Variants in SIPA1L1 observed in about 807,000 individuals in gnomAD.
The protein encoded by SIPA1L1 is signal induced proliferation associated 1 like 1, also known as signal-induced proliferation-associated 1-like protein 1.
A neutral mutation model predicts 162.7 loss-of-function variants in SIPA1L1; 26 were observed. The ratio of observed to expected loss-of-function variants is 0.16; its 90% CI spans 0.12 to 0.22. The LOEUF (loss-of-function observed/expected upper bound fraction) is 0.22. SIPA1L1 is among the 10% of genes least tolerant of loss of function. The pLI, the probability that SIPA1L1 is intolerant of heterozygous loss-of-function variation, is 1.00. For synonymous variants in SIPA1L1, 829 were observed against 837.4 expected, an observed-to-expected ratio of 0.99 and a Z score of 0.17; for missense variants, 1,874 against 2,241.0, an observed-to-expected ratio of 0.84 and a Z score of 3.31.
In SIPA1L1 at chr14:71,626,562, A is replaced by G. The variant is rs574254567; in HGVS notation, c.1818+2326A>G. On this transcript the variant is annotated intron_variant, in intron 7 of 23. Coordinates refer to ENST00000381232, the MANE Select transcript of SIPA1L1 (RefSeq NM_001386936.1). The stretch of plus-strand genomic sequence containing the variant: ...TATTTTGGTGCCTTTACAAATACAG[A>G]TTTTAAAAAGGAAATGCTTATAAGT... 7.2e-5 allele frequency among the ~76,000 whole-genome samples: 11 copies of G among 152,330 alleles called. No homozygotes were observed. The South Asian group carries it at 2.3e-3, about 32-fold the overall frequency.
intron 2 of SIPA1L1, among the ~76,000 whole-genome samples, chr14:71,479,336 G>GGTATGTATGTAT (rs59082026): frequency 0.046 from 6,810 of 148,258 alleles, 236 homozygotes; most frequent in East Asian, 0.17. Flanking sequence ...TGTGTATGTA[G>GGTATGTATGTAT]GTATGTATGT....
intron 2 of SIPA1L1, among the ~76,000 whole-genome samples, chr14:71,419,045 C>T (rs1001286392): frequency 8.5e-5 from 13 of 152,122 alleles, no homozygotes; most frequent in African/African-American, 2.9e-4. Flanking sequence ...GCAGCCCTTC[C>T]GCCTGATATC....
At chr14:71,715,671 G>T (rs533634086) in intron 17 of SIPA1L1, among the ~76,000 whole-genome samples, 2 of 152,252 alleles carry the variant, frequency 1.3e-5, no homozygotes, top group Admixed American at 6.5e-5. Context: ...AAGACCAAAG[G>T]TTTTTTGTCA....
In SIPA1L1 at chr14:71,690,830, A is replaced by C. The variant is rs553320644; in HGVS notation, c.3374+5199A>C. 2.0e-5 allele frequency among the ~76,000 whole-genome samples: 3 copies of C among 152,230 alleles called. No individual in the cohort carries two copies. In the South Asian group the frequency reaches 6.2e-4, roughly 32 times the overall value. Reference sequence around the variant, plus strand: ...CTGTATGTGGGCAGTTCCTTAGCTGATCTGTTTTGCCTTGGTCTCTTTTTC... The same window carrying C: ...CTGTATGTGGGCAGTTCCTTAGCTGCTCTGTTTTGCCTTGGTCTCTTTTTC... On this transcript the variant is annotated intron_variant, in intron 13 of 23. Transcript: ENST00000381232.
intron 2 of SIPA1L1, among the ~76,000 whole-genome samples, chr14:71,489,677 A>G (rs1377086299): frequency 1.3e-5 from 2 of 152,008 alleles, no homozygotes; most frequent in African/African-American, 4.8e-5. Context: ...AAAGTACACT[A>G]ACACTAATGA....
chr14:71,562,923 A>T (rs959895881), intron 4 of SIPA1L1, among the ~76,000 whole-genome samples: 1 of 152,152 alleles, frequency 6.6e-6, no homozygotes, highest in African/African-American at 2.4e-5. Flanking sequence ...CCAAAGTGCT[A>T]GGATTACAGG....
chr14:71,408,119 T>C (rs1029685039), intron 2 of SIPA1L1, among the ~76,000 whole-genome samples: 1 of 152,218 alleles, frequency 6.6e-6, no homozygotes, highest in Non-Finnish European at 1.5e-5. Flanking sequence ...AATACAGTTA[T>C]TTCTGATGTT....
At chr14:71,425,491 T>C (rs544233833) in intron 2 of SIPA1L1, among the ~76,000 whole-genome samples, 10 of 152,164 alleles carry the variant, frequency 6.6e-5, no homozygotes, top group Non-Finnish European at 1.2e-4. Context: ...GAATATGTTG[T>C]TCAGTATCCT....
At chr14:71,567,654 C>T (rs2030984832) in intron 4 of SIPA1L1, among the ~76,000 whole-genome samples, 1 of 149,008 alleles carries the variant, frequency 6.7e-6, no homozygotes, top group South Asian at 2.1e-4. Context: ...CTGAGGGTAC[C>T]TCCCCTTTTT....
chr14:71,451,167 C>G (rs2045791108), intron 2 of SIPA1L1, among the ~76,000 whole-genome samples: 1 of 151,902 alleles, frequency 6.6e-6, no homozygotes, highest in Non-Finnish European at 1.5e-5. Flanking sequence ...ACTGCATGAT[C>G]TCCCCTACAT....
chr14:71,622,184 CAG>C (rs1424806568), intron 6 of SIPA1L1, among the ~76,000 whole-genome samples: 1 of 152,118 alleles, frequency 6.6e-6, no homozygotes, highest in African/African-American at 2.4e-5. Context: ...AGCAAGATAA[CAG>C]AAATACAAAC....
intron 2 of SIPA1L1, among the ~76,000 whole-genome samples, chr14:71,406,637 A>G (rs758004859): frequency 2.0e-5 from 3 of 152,204 alleles, no homozygotes; most frequent in Non-Finnish European, 4.4e-5. Context: ...CCCAAAATTC[A>G]TTATCTAGGA....
At chr14:71,728,198 A>G (rs145430395) in intron 19 of SIPA1L1, among the ~76,000 whole-genome samples, 104 of 152,336 alleles carry the variant, frequency 6.8e-4, no homozygotes, top group African/African-American at 2.4e-3. Context: ...CTTATGTGAT[A>G]GTCCTAGAAC....
chr14:71,729,620 T>C (rs2084569085), intron 19 of SIPA1L1, among the ~76,000 whole-genome samples: 2 of 152,218 alleles, frequency 1.3e-5, no homozygotes, highest in South Asian at 2.1e-4. Context: ...CCTGCCATTG[T>C]GCTCAGTCCA....
chr14:71,625,315 T>C (rs2039861508), intron 7 of SIPA1L1, among the ~76,000 whole-genome samples: 1 of 151,956 alleles, frequency 6.6e-6, no homozygotes, highest in Non-Finnish European at 1.5e-5. Flanking sequence ...TTTTTTTTTT[T>C]TTCTGGAGAC....
chr14:71,430,172 G>A (rs1321658791), intron 2 of SIPA1L1, among the ~76,000 whole-genome samples: 1 of 152,156 alleles, frequency 6.6e-6, no homozygotes, highest in African/African-American at 2.4e-5. Flanking sequence ...CTGCTGGGCA[G>A]AAATAGGCAC....
At chr14:71,544,095 A>G (rs1179198505) in intron 4 of SIPA1L1, among the ~76,000 whole-genome samples, 2 of 148,436 alleles carry the variant, frequency 1.3e-5, no homozygotes, top group South Asian at 2.1e-4. Flanking sequence ...GTATATACAC[A>G]CGCACATGTA....
chr14:71,653,469 C>G (rs1171110695), intron 8 of SIPA1L1, among the ~76,000 whole-genome samples: 1 of 152,148 alleles, frequency 6.6e-6, no homozygotes, highest in Non-Finnish European at 1.5e-5. Flanking sequence ...GGTATTCTGC[C>G]TAGCAAATAT....
intron 5 of SIPA1L1, among the ~76,000 whole-genome samples, chr14:71,606,906 T>C (rs2037586532): frequency 6.6e-6 from 1 of 152,150 alleles, no homozygotes; most frequent in Non-Finnish European, 1.5e-5. Flanking sequence ...TAAAACTTTT[T>C]ATTTTTTTCA....
Sources: allele counts gnomAD v4.1 joint callset (sites outside exome capture counted in the v4.1 genomes callset), GRCh38; gene constraint gnomAD v4.1.1; transcripts MANE v1.5; gene names NCBI Gene and HGNC (gene_info 2026-07-23, HGNC 2026-07-21).